Variants in TMC3 observed in about 807,000 individuals in gnomAD.
TMC3 encodes transmembrane channel like 3, also known as transmembrane channel-like protein 3.
A neutral mutation model predicts 110.6 loss-of-function variants in TMC3; 98 were observed. The ratio of observed to expected loss-of-function variants is 0.89; its 90% CI spans 0.75 to 1.05. The LOEUF is 1.05. TMC3 is among the 50% of genes least tolerant of loss of function. The probability of loss-of-function intolerance (pLI) is 0.00; values close to 1 mark genes in which losing one functional copy is unlikely to be tolerated. For missense variants in TMC3, 1,319 were observed against 1,373.2 expected (o/e 0.96, Z 0.62); for synonymous variants, 489 against 513.1 (o/e 0.95, Z 0.63).
At position 81,332,849 on chromosome 15, in the gene TMC3, A is replaced by G; in HGVS notation, c.2873T>C (p.Leu958Pro). 6.2e-7 allele frequency: 1 copy of G among 1,613,392 alleles called. No homozygotes were observed. The highest frequency in any genetic ancestry group is 1.1e-5 in the South Asian group (1 of 91,046). The change falls in exon 22 of 22, where the codon CTT becomes CCT. Residue 958 changes from leucine (L) to proline (P), a missense_variant. By Grantham distance (98) the Leu-to-Pro change is moderately conservative. Transcript: ENST00000359440. ...TPSRDWIKRS[L>P]PPRSLIDLRR... The stretch of plus-strand genomic sequence containing the variant: ...GAGGTCTATCAGGGAGCGTGGGGGA[A>G]GAGACCGTTTGATCCAATCTCTGCT...
rs113527868 is a variant in TMC3 at position 81,361,196 on chromosome 15, G to C, written c.394+1024C>G. ...ATGTATGTAAGTTTTCTTTTTTTAG[G>C]TAATTAAAAATAACAGTACTTTTTC... On this transcript the variant is annotated intron_variant, in intron 4 of 21. Transcript: ENST00000359440. 3.0e-3 allele frequency among the ~76,000 whole-genome samples: 461 copies of C among 151,684 alleles called. 1 individual carries two copies. The highest frequency in any genetic ancestry group is 5.4e-3 in the Non-Finnish European group (369 of 67,882).
chr15:81,348,867 A>C (rs1330335981), intron 11 of TMC3, among the ~76,000 whole-genome samples: 1 of 151,240 alleles, frequency 6.6e-6, no homozygotes. Flanking sequence ...GCTGGAGTGC[A>C]GTGGTGTGAT....
intron 11 of TMC3, among the ~76,000 whole-genome samples, 192 bp from the exon 12 acceptor site, chr15:81,346,635 G>T (rs1893835127): frequency 6.6e-6 from 1 of 152,188 alleles, no homozygotes; most frequent in South Asian, 2.1e-4. Flanking sequence ...GGTCTGGAAG[G>T]GGTCTGGAAA....
rs367558598 is a variant in TMC3, at chr15:81,372,584, C to T, written c.236+7G>A. On this transcript the variant is annotated splice_region_variant and intron_variant, in intron 2 of 21. Transcript: ENST00000359440. Reference sequence around the variant, plus strand: ...TAATGATCAATAATGGCCATTGAGGCCCTTACCTCAATGCCCTCAGCTTCT... The same window carrying T: ...TAATGATCAATAATGGCCATTGAGGTCCTTACCTCAATGCCCTCAGCTTCT... The T allele has an allele frequency of 1.2e-6, 2 of 1,612,894 alleles. No homozygotes were observed. The highest frequency in any genetic ancestry group is 1.7e-6 in the Non-Finnish European group (2 of 1,179,738).
Position 81,332,984 on chromosome 15 carries a change from G to A in TMC3, c.2738C>T (p.Ala913Val), listed in dbSNP as rs924107165. ...VWPERHFKID[A>V]SGDIVELYPR... ...GTACAGCTCCACAATGTCACCTGAA[G>A]CATCTATCTTGAAATGTCTTTCTGG... Residue 913 changes from alanine to valine, a missense_variant, in exon 22 of 22, where the codon GCT becomes GTT. By Grantham distance (64) the Ala-to-Val change is moderately conservative. Transcript: ENST00000359440. The A allele has an allele frequency of 4.3e-6, 7 of 1,613,180 alleles. No individual in the cohort carries two copies. Among genetic ancestry groups the A allele is most frequent in the South Asian group, 2.2e-5 (2 of 91,042 alleles).
At chr15:81,368,095 C>T (rs1457676512) in intron 3 of TMC3, among the ~76,000 whole-genome samples, 158 bp downstream of exon 3, 7 of 152,160 alleles carry the variant, frequency 4.6e-5, no homozygotes, top group South Asian at 2.1e-4. Context: ...CCACCACGCC[C>T]GGCTAATTTT....
At chr15:81,343,012 TG>T (rs1425543279) in intron 15 of TMC3, 1 of 382,676 alleles carries the variant, frequency 2.6e-6, no homozygotes, top group Non-Finnish European at 4.7e-6. Context: ...TCCCTAAGAG[TG>T]TATTCTACTG....
At position 81,349,536 on chromosome 15, in the gene TMC3, A is replaced by G; in HGVS notation, c.1115T>C (p.Ile372Thr). Residue 372 changes from isoleucine (I) to threonine (T), a missense_variant, in exon 11 of 22, where the codon ATA becomes ACA. Physicochemically the swap from Ile to Thr is moderately conservative, Grantham distance 89. Coordinates refer to ENST00000359440, the MANE Select transcript of TMC3 (RefSeq NM_001080532.3). ...VSVVVSLVTMIAPSAFDLIAA... is the reference protein window; with the variant it reads ...VSVVVSLVTMTAPSAFDLIAA... The stretch of plus-strand genomic sequence containing the variant: ...AATGAGGTCAAAGGCTGATGGTGCT[A>G]TCATGGTGACGAGGGAGACCACCAC... The G allele has an allele frequency of 1.9e-6, 3 of 1,557,100 alleles. No homozygotes were observed. The highest frequency in any genetic ancestry group is 1.7e-6 in the Non-Finnish European group (2 of 1,150,372).
rs535906792 is a variant in TMC3 at position 81,346,360 on chromosome 15, C to A, written c.1272+5G>T. On this transcript the variant is annotated splice_donor_5th_base_variant and intron_variant, in intron 12 of 21. Coordinates refer to ENST00000359440, the MANE Select transcript of TMC3 (RefSeq NM_001080532.3). ...GGCAGGCAACTATCTGGGATGGGCA[C>A]TCACCTCAATGCTCATGCTGTTAAC... The A allele has an allele frequency of 6.2e-7, 1 of 1,613,368 alleles. No individual in the cohort carries two copies. The highest frequency in any genetic ancestry group is 1.1e-5 in the South Asian group (1 of 90,886).
chr15:81,341,759 T>C (rs1596081390), intron 15 of TMC3: 1 of 277,012 alleles, frequency 3.6e-6, no homozygotes, highest in East Asian at 7.2e-5. Flanking sequence ...GACAACTGTT[T>C]GTCTCTCTTT....
intron 10 of TMC3, among the ~76,000 whole-genome samples, chr15:81,350,391 G>C (rs1052585037): frequency 1.3e-5 from 2 of 152,002 alleles, no homozygotes; most frequent in Non-Finnish European, 2.9e-5. Flanking sequence ...TATTCTTTCT[G>C]TACATGGAAG....
chr15:81,362,804 A>T (rs1340445196), intron 3 of TMC3, among the ~76,000 whole-genome samples: 1 of 152,122 alleles, frequency 6.6e-6, no homozygotes, highest in African/African-American at 2.4e-5. Context: ...AGGAATCCAG[A>T]TGCCTAACAG....
Position 81,351,860 on chromosome 15 carries a change from A to T in TMC3, c.936-19T>A, listed in dbSNP as rs1893959393. On this transcript the variant is annotated intron_variant, in intron 9 of 21. Coordinates refer to ENST00000359440, the MANE Select transcript of TMC3 (RefSeq NM_001080532.3). Reference sequence around the variant, plus strand: ...CACTGCCCTGGGGAGAGAAACAGGCATGAGAACGGTACACAGGGTCCTGCT... The same window carrying T: ...CACTGCCCTGGGGAGAGAAACAGGCTTGAGAACGGTACACAGGGTCCTGCT... The T allele has an allele frequency of 6.2e-7, 1 of 1,611,116 alleles. No individual in the cohort carries two copies. Among genetic ancestry groups the T allele is most frequent in the African/African-American group, 1.3e-5 (1 of 74,880 alleles).
intron 5 of TMC3, 53 bp from the exon 6 acceptor site, chr15:81,358,553 G>A (rs1894117653): frequency 4.2e-6 from 6 of 1,413,630 alleles, no homozygotes; most frequent in East Asian, 2.5e-5. Context: ...AGGGGACCGG[G>A]AGAAAATGAG....
At position 81,334,600 on chromosome 15, in the gene TMC3, G is replaced by A. The variant is rs138649197; in HGVS notation, c.2459+120C>T. On this transcript the variant is annotated intron_variant, in intron 21 of 21. Coordinates refer to ENST00000359440, the MANE Select transcript of TMC3 (RefSeq NM_001080532.3). ...TTTCTTTTTAGTACCAGCTGTCATA[G>A]TCTCCTGACCCATGCCTTCTGGGAG... 29 of 1,334,028 alleles carry A rather than the reference G, an allele frequency of 2.2e-5. 1 individual carries two copies. The African/African-American group carries it at 4.3e-4, about 20-fold the overall frequency. 82.6% of individuals were successfully genotyped at this position (1,334,028 alleles called of 1,614,324 possible).
At chr15:81,354,211 G>C (rs1044840808) in intron 9 of TMC3, among the ~76,000 whole-genome samples, 2 of 152,202 alleles carry the variant, frequency 1.3e-5, no homozygotes, top group African/African-American at 4.8e-5. Context: ...TGGAATCCCA[G>C]TCCTTTTTGC....
chr15:81,337,825 C>A (rs1893630243), intron 19 of TMC3, 21 bp downstream of exon 19: 1 of 1,602,512 alleles, frequency 6.2e-7, no homozygotes, highest in South Asian at 1.1e-5. Flanking sequence ...TTCATAATAG[C>A]AAAGTTCATG....
intron 10 of TMC3, among the ~76,000 whole-genome samples, chr15:81,351,334 G>C (rs546177683): frequency 3.1e-4 from 43 of 140,920 alleles, no homozygotes; most frequent in Admixed American, 1.4e-3. Flanking sequence ...ACTTTTCTGT[G>C]TCTCTCTCTC....
Position 81,351,847 on chromosome 15 carries a change from G to A in TMC3, c.936-6C>T, listed in dbSNP as rs1893959072. On this transcript the variant is annotated splice_polypyrimidine_tract_variant and splice_region_variant and intron_variant, in intron 9 of 21. Transcript: ENST00000359440. ...TCAGGCAGATGGTCACTGCCCTGGG[G>A]AGAGAAACAGGCATGAGAACGGTAC... is the stretch of plus-strand genomic sequence containing the variant. 1 of 1,611,802 alleles carries A rather than the reference G, an allele frequency of 6.2e-7. No individual in the cohort carries two copies. Among genetic ancestry groups the A allele is most frequent in the Non-Finnish European group, 8.5e-7 (1 of 1,179,086 alleles).
Sources: allele counts gnomAD v4.1 joint callset (sites outside exome capture counted in the v4.1 genomes callset), GRCh38; gene constraint gnomAD v4.1.1; transcripts MANE v1.5; gene names NCBI Gene and HGNC (gene_info 2026-07-23, HGNC 2026-07-21).